The following RYR3 variants were observed in gnomAD, a reference collection of about 807,000 sequenced individuals.
RYR3 encodes brain ryanodine receptor-calcium release channel.
RYR3 carries 207 observed loss-of-function variants against 584.3 expected under a neutral mutation model. The ratio of observed to expected loss-of-function variants is 0.35; its 90% CI spans 0.32 to 0.40. RYR3 has a LOEUF of 0.40. Among genes scored for constraint, RYR3 ranks in the 10% least tolerant of loss-of-function variants. The probability of loss-of-function intolerance (pLI) is 1.00; values close to 1 mark genes in which losing one functional copy is unlikely to be tolerated. For missense variants in RYR3, 5,616 were observed against 6,089.2 expected (o/e 0.92, Z 2.59); for synonymous variants, 2,416 against 2,248.5 (o/e 1.07, Z -2.11).
chr15:33,546,556 T>A (rs1421927942), intron 8 of RYR3, among the ~76,000 whole-genome samples: 1 of 152,214 alleles, frequency 6.6e-6, no homozygotes, highest in African/African-American at 2.4e-5. Flanking sequence ...TTTCATTGAT[T>A]GCTGTATGAT....
Position 33,853,093 on chromosome 15 carries a change from C to G in RYR3, c.13671+6C>G. ...ACAAGTTTGTAAAGAGAAAGGTATG[C>G]CTTGTTAGTGGGGGTGAGTTCCGTG... On this transcript the variant is annotated splice_donor_region_variant and intron_variant, in intron 95 of 103. Coordinates refer to ENST00000634891, the MANE Select transcript of RYR3 (RefSeq NM_001036.6). 1 of 1,586,586 alleles carries G rather than the reference C, an allele frequency of 6.3e-7. No homozygotes were observed. The highest frequency in any genetic ancestry group is 2.3e-5 in the East Asian group (1 of 44,106).
chr15:33,587,063 A>G (rs2058889186), intron 16 of RYR3, among the ~76,000 whole-genome samples: 1 of 152,044 alleles, frequency 6.6e-6, no homozygotes, highest in Admixed American at 6.6e-5. Flanking sequence ...TGTCCGGGAG[A>G]TTGAGACTCG....
At position 33,857,934 on chromosome 15, in the gene RYR3, GGGGCC is replaced by G; in HGVS notation, c.14142+21_14142+25del. 7.2e-7 allele frequency: 1 copy of G among 1,379,506 alleles called. No homozygotes were observed. Among genetic ancestry groups the G allele is most frequent in the African/African-American group, 3.6e-5 (1 of 27,456 alleles). The allele number at this position is 1,379,506 out of a possible 1,614,324, so 85.5% of individuals were successfully genotyped here. A position where few individuals can be genotyped will look rare whatever the true frequency, so the allele number is the denominator to read the frequency against. On this transcript the variant is annotated intron_variant, in intron 99 of 103. Transcript: ENST00000634891. ...ATGACGGTGAGAGCCCACCCACTGC[GGGGCC>G]AGCCCACCCACTGCGGGGCCACCCC...
At chr15:33,584,235 A>T (rs1487647140) in intron 14 of RYR3, among the ~76,000 whole-genome samples, 160 bp from the exon 15 acceptor site, 1 of 150,990 alleles carries the variant, frequency 6.6e-6, no homozygotes, top group African/African-American at 2.5e-5. Context: ...TTAAAAAAAG[A>T]AAAAAAAAGA....
At chr15:33,815,757 C>T in intron 74 of RYR3, 2 of 396,954 alleles carry the variant, frequency 5.0e-6, no homozygotes, top group Admixed American at 8.8e-5. Flanking sequence ...AACTAAAGGG[C>T]TAAAGGGATT....
chr15:33,550,758 A>T (rs2056618165), intron 10 of RYR3, among the ~76,000 whole-genome samples: 1 of 152,238 alleles, frequency 6.6e-6, no homozygotes, highest in African/African-American at 2.4e-5. Flanking sequence ...ATTTAAATGT[A>T]AAAAGCATGA....
chr15:33,737,945 A>G (rs964580532), intron 49 of RYR3, among the ~76,000 whole-genome samples: 1 of 152,022 alleles, frequency 6.6e-6, no homozygotes, highest in Non-Finnish European at 1.5e-5. Context: ...GGGGAGAGGG[A>G]GCGGGCACGG....
At chr15:33,747,834 C>T (rs780584512) in intron 53 of RYR3, among the ~76,000 whole-genome samples, 31 of 152,194 alleles carry the variant, frequency 2.0e-4, no homozygotes, top group Non-Finnish European at 3.2e-4. Flanking sequence ...GAGCCACTCT[C>T]CCATTCCTGT....
chr15:33,822,892 C>T (rs1344688960), intron 80 of RYR3, 104 bp from the exon 81 acceptor site: 5 of 800,182 alleles, frequency 6.2e-6, no homozygotes, highest in Non-Finnish European at 9.9e-6. Context: ...ATAAGCAGAG[C>T]GTCCAACTCA....
chr15:33,821,732 T>A, intron 80 of RYR3, 130 bp downstream of exon 80: 1 of 792,386 alleles, frequency 1.3e-6, no homozygotes, highest in Non-Finnish European at 2.1e-6. Flanking sequence ...ACGTTTGTCC[T>A]TAGTGGCCAG....
chr15:33,488,468 G>C (rs1220372301), intron 2 of RYR3, among the ~76,000 whole-genome samples: 1 of 97,856 alleles, frequency 1.0e-5, no homozygotes, highest in Admixed American at 1.1e-4. Context: ...TTTTTTTTCT[G>C]TGATTAGAAC....
rs146649020 is a variant in RYR3 at position 33,552,060 on chromosome 15, G to C, written c.972+1744G>C. Among the ~76,000 whole-genome samples, 205 of 152,252 alleles carry C rather than the reference G, an allele frequency of 1.3e-3. 1 individual carries two copies. Among genetic ancestry groups the C allele is most frequent in the Non-Finnish European group, 2.1e-3 (141 of 68,028 alleles). On this transcript the variant is annotated intron_variant, in intron 10 of 103. Coordinates refer to ENST00000634891, the MANE Select transcript of RYR3 (RefSeq NM_001036.6). ...TGAGCCTTCTACCCCCTTTCTCCTT[G>C]ACCCACTCGGGATATGCTGCCAGGG...
chr15:33,548,228 C>G, intron 9 of RYR3, 24 bp downstream of exon 9: 1 of 1,466,396 alleles, frequency 6.8e-7, no homozygotes, highest in East Asian at 2.3e-5. Context: ...TGGGAATGCC[C>G]TTTTCAAGAT....
intron 2 of RYR3, among the ~76,000 whole-genome samples, chr15:33,478,217 C>A (rs1276518575): frequency 3.3e-5 from 5 of 152,082 alleles, no homozygotes; most frequent in Admixed American, 3.3e-4. Context: ...GGCTTGCCAG[C>A]TGGGATGTGT....
rs1309740995 is a variant in RYR3 at position 33,660,517 on chromosome 15, G to A, written c.4622+94G>A. The stretch of plus-strand genomic sequence containing the variant: ...GAAGGAAACCAGGAGCATCTGTGTT[G>A]GATCCTGCTCAGTCCCAGTATGACT... On this transcript the variant is annotated intron_variant, in intron 34 of 103. Transcript: ENST00000634891. 6 of 809,710 alleles carry A rather than the reference G, an allele frequency of 7.4e-6. No homozygotes were observed. In the African/African-American group the frequency reaches 1.0e-4, roughly 14 times the overall value. 50.2% of individuals were successfully genotyped at this position (809,710 alleles called of 1,614,324 possible). A position where few individuals can be genotyped will look rare whatever the true frequency, so the allele number is the denominator to read the frequency against.
At chr15:33,765,824 G>A (rs2073008516) in intron 60 of RYR3, among the ~76,000 whole-genome samples, 1 of 152,032 alleles carries the variant, frequency 6.6e-6, no homozygotes, top group Admixed American at 6.6e-5. Flanking sequence ...ATATATAAGA[G>A]TTATTGCCCA....
At chr15:33,524,422 C>G (rs2054244672) in intron 3 of RYR3, among the ~76,000 whole-genome samples, 1 of 152,134 alleles carries the variant, frequency 6.6e-6, no homozygotes, top group African/African-American at 2.4e-5. Flanking sequence ...TAATATTTTT[C>G]TTTGGGACAG....
intron 65 of RYR3, among the ~76,000 whole-genome samples, chr15:33,780,720 A>G (rs982452337): frequency 3.3e-5 from 5 of 152,186 alleles, no homozygotes; most frequent in Non-Finnish European, 5.9e-5. Context: ...ATCCACAGTA[A>G]TAACCCAGTT....
intron 1 of RYR3, among the ~76,000 whole-genome samples, chr15:33,458,358 G>A (rs568049817): frequency 6.6e-6 from 1 of 152,156 alleles, no homozygotes; most frequent in Non-Finnish European, 1.5e-5. Context: ...GTCTATTTTT[G>A]TCTGCCCTTG....
Sources: gnomAD v4.1 joint callset for allele counts (sites outside exome capture counted in the v4.1 genomes callset) on GRCh38, gnomAD v4.1.1 for gene constraint, MANE v1.5 for transcripts, NCBI Gene and HGNC (gene_info 2026-07-23, HGNC 2026-07-21) for gene names.